Variants in CEP89 observed in about 807,000 individuals in gnomAD.
CEP89 encodes the protein centrosomal protein of 89 kDa.
CEP89 carries 95 observed loss-of-function variants against 97.6 expected under a neutral mutation model. The ratio of observed to expected loss-of-function variants is 0.97; its 90% CI spans 0.82 to 1.15. CEP89 has a LOEUF of 1.15. CEP89 is among the 50% of genes most tolerant of loss of function. The pLI, the probability that CEP89 is intolerant of heterozygous loss-of-function variation, is 0.00. For missense variants in CEP89, 869 were observed against 947.7 expected, an observed-to-expected ratio of 0.92 and a Z score of 1.09; for synonymous variants, 354 against 349.1, an observed-to-expected ratio of 1.01 and a Z score of -0.16.
intron 17 of CEP89, among the ~76,000 whole-genome samples, chr19:32,885,495 A>AT (rs60135531): frequency 0.081 from 12,356 of 152,024 alleles, 1,566 homozygotes; most frequent in African/African-American, 0.27. Context: ...TAATTGCTGT[A>AT]TTTTTTGTAG....
intron 4 of CEP89, among the ~76,000 whole-genome samples, chr19:32,952,154 A>T (rs1358176000): frequency 6.6e-6 from 1 of 152,032 alleles, no homozygotes; most frequent in Non-Finnish European, 1.5e-5. Context: ...CCACATAAGG[A>T]TCCCTCAAAA....
chr19:32,925,347 G>T (rs1386314605), intron 11 of CEP89, among the ~76,000 whole-genome samples: 13 of 152,100 alleles, frequency 8.5e-5, no homozygotes, highest in Non-Finnish European at 1.3e-4. Context: ...AGGCAGAAAT[G>T]GATAAAAACC....
chr19:32,927,134 ATCCAT>A, intron 9 of CEP89, 150 bp from the exon 10 acceptor site: 3 of 186,972 alleles, frequency 1.6e-5, no homozygotes, highest in Non-Finnish European at 2.6e-5. Context: ...CCACCTACCC[ATCCAT>A]CCATCCATCC....
chr19:32,912,699 T>A (rs1382926048), intron 14 of CEP89, among the ~76,000 whole-genome samples: 1 of 152,150 alleles, frequency 6.6e-6, no homozygotes, highest in Non-Finnish European at 1.5e-5. Context: ...TCTATGTACT[T>A]ACAGTACATA....
chr19:32,896,113 CA>C (rs1198317900), intron 16 of CEP89, among the ~76,000 whole-genome samples: 1 of 152,102 alleles, frequency 6.6e-6, no homozygotes, highest in Non-Finnish European at 1.5e-5. Flanking sequence ...ATAGAATAAA[CA>C]ATCCTACTTT....
At chr19:32,915,796 G>A (rs1279964635) in intron 13 of CEP89, among the ~76,000 whole-genome samples, 1 of 151,736 alleles carries the variant, frequency 6.6e-6, no homozygotes, top group Non-Finnish European at 1.5e-5. Flanking sequence ...GCAGGCGCCT[G>A]TAATCCCAGC....
intron 6 of CEP89, among the ~76,000 whole-genome samples, chr19:32,938,910 AC>A (rs1227321449): frequency 1.3e-5 from 2 of 152,142 alleles, no homozygotes; most frequent in African/African-American, 4.8e-5. Context: ...AGACTGCGCC[AC>A]TGCACTCCAG....
rs1373171840 is a variant in CEP89, at chr19:32,918,442, A to C, written c.1269-103T>G. On this transcript the variant is annotated intron_variant, in intron 12 of 18. Coordinates refer to ENST00000305768, the MANE Select transcript of CEP89 (RefSeq NM_032816.5). ...AGCAATGGCTGCATTACAGGTAATG[A>C]ATATCAAGTCATGTCTTCATGTTAA... is the stretch of plus-strand genomic sequence containing the variant. 7.6e-6 allele frequency: 6 copies of C among 790,940 alleles called. No individual in the cohort carries two copies. The African/African-American group carries it at 1.0e-4, about 13-fold the overall frequency. The allele number at this position is 790,940 out of a possible 1,614,324, so 49.0% of individuals were successfully genotyped here. A position where few individuals can be genotyped will look rare whatever the true frequency, so the allele number is the denominator to read the frequency against.
chr19:32,888,168 G>A (rs1969439798), intron 16 of CEP89, among the ~76,000 whole-genome samples: 1 of 152,156 alleles, frequency 6.6e-6, no homozygotes, highest in South Asian at 2.1e-4. Flanking sequence ...TCGCATCCAA[G>A]GAATAAGTGC....
intron 14 of CEP89, among the ~76,000 whole-genome samples, chr19:32,906,124 A>G (rs73051118): frequency 0.16 from 24,901 of 152,182 alleles, 2,272 homozygotes; most frequent in Non-Finnish European, 0.21. Context: ...TAAAGACAAC[A>G]CAGATGTGCT....
chr19:32,878,962 T>TAAAAAA lies in CEP89; in HGVS notation c.*194_*199dup. ...GGGCAACAGAGTGAGACCCTAGCTCTAAAAAAAAAAAAAAATTAAAAAATA... is the reference window on the plus strand; with the variant it reads ...GGGCAACAGAGTGAGACCCTAGCTCTAAAAAAAAAAAAAAAAAAAAATTAAAAAATA... On this transcript the variant is annotated 3_prime_UTR_variant, in exon 19 of 19. Coordinates refer to ENST00000305768, the MANE Select transcript of CEP89 (RefSeq NM_032816.5). The TAAAAAA allele has an allele frequency of 2.6e-6, 1 of 384,276 alleles. No homozygotes were observed. Among genetic ancestry groups the TAAAAAA allele is most frequent in the Non-Finnish European group, 4.6e-6 (1 of 216,978 alleles). The allele number at this position is 384,276 out of a possible 1,614,324, so 23.8% of individuals were successfully genotyped here.
chr19:32,877,528 GC>G lies in CEP89; in HGVS notation c.*1633del. ...CTAACACACATGGGACAGAACCATG[GC>G]CCCCTGGTATGCTTCTTGGTGGTGG... On this transcript the variant is annotated 3_prime_UTR_variant, in exon 19 of 19. Transcript: ENST00000305768. 6.6e-6 allele frequency: 1 copy of G among 152,306 alleles called. No homozygotes were observed. Among genetic ancestry groups the G allele is most frequent in the Non-Finnish European group, 1.5e-5 (1 of 68,200 alleles). 9.4% of individuals were successfully genotyped at this position (152,306 alleles called of 1,614,324 possible).
chr19:32,879,420 T>C (rs773099097), intron 18 of CEP89, 42 bp from the exon 19 acceptor site: 12 of 1,519,760 alleles, frequency 7.9e-6, no homozygotes, highest in Non-Finnish European at 1.0e-5. Flanking sequence ...TTAAAAATAA[T>C]ATAGAGCCCA....
At chr19:32,921,629 A>C (rs957167025) in intron 12 of CEP89, among the ~76,000 whole-genome samples, 1 of 152,238 alleles carries the variant, frequency 6.6e-6, no homozygotes, top group Non-Finnish European at 1.5e-5. Flanking sequence ...TTGTGGCTGT[A>C]TACAATGCTA....
At chr19:32,937,606 A>G (rs758716803) in intron 7 of CEP89, 25 bp downstream of exon 7, 2 of 1,531,268 alleles carry the variant, frequency 1.3e-6, no homozygotes, top group African/African-American at 1.4e-5. Context: ...CTTTTCAATC[A>G]TAATATAATT....
At chr19:32,924,664 C>T (rs1158286529) in intron 11 of CEP89, among the ~76,000 whole-genome samples, 1 of 152,212 alleles carries the variant, frequency 6.6e-6, no homozygotes, top group Non-Finnish European at 1.5e-5. Flanking sequence ...CCCAGACACA[C>T]TCACTCACTG....
intron 17 of CEP89, among the ~76,000 whole-genome samples, chr19:32,885,740 T>C (rs1969381390): frequency 6.6e-6 from 1 of 152,204 alleles, no homozygotes; most frequent in Non-Finnish European, 1.5e-5. Context: ...TTCTTTTATT[T>C]CAGAAAGGTT....
chr19:32,913,307 T>TA (rs1970048490), intron 14 of CEP89, among the ~76,000 whole-genome samples: 1 of 19,394 alleles, frequency 5.2e-5, no homozygotes, highest in African/African-American at 2.5e-4. Context: ...ATATATATAT[T>TA]TTTTTGTTGT....
At chr19:32,892,091 AAT>A (rs143314876) in intron 16 of CEP89, among the ~76,000 whole-genome samples, 13,997 of 138,946 alleles carry the variant, frequency 0.1, 877 homozygotes, top group Middle Eastern at 0.16. Flanking sequence ...CAGAATTCTA[AAT>A]ATATATATAT....
Sources: allele counts gnomAD v4.1 joint callset (sites outside exome capture counted in the v4.1 genomes callset), GRCh38; gene constraint gnomAD v4.1.1; transcripts MANE v1.5; gene names NCBI Gene and HGNC (gene_info 2026-07-23, HGNC 2026-07-21).